TENM2: variants seen among roughly 807,000 people sequenced by gnomAD.
TENM2 encodes teneurin-2.
Under a neutral mutation model 245.2 loss-of-function variants are expected in TENM2, and 52 were observed. The ratio of observed to expected loss-of-function variants is 0.21; its 90% CI spans 0.17 to 0.27. The LOEUF is 0.27. Ranked by LOEUF, TENM2 falls within the 10% of genes least tolerant of loss-of-function variation. TENM2 has a pLI of 1.00. For missense variants in TENM2, 3,046 were observed against 3,666.8 expected (o/e 0.83, Z 4.37); for synonymous variants, 1,363 against 1,438.9 (o/e 0.95, Z 1.19).
chr5:167,603,869 G>A (rs1776830216), intron 2 of TENM2, among the ~76,000 whole-genome samples: 1 of 152,146 alleles, frequency 6.6e-6, no homozygotes, highest in Non-Finnish European at 1.5e-5. Flanking sequence ...GAGTGAAAAT[G>A]AAAAATGTTG....
At chr5:167,759,506 A>C (rs1432529000) in intron 2 of TENM2, among the ~76,000 whole-genome samples, 2 of 152,176 alleles carry the variant, frequency 1.3e-5, no homozygotes, top group Non-Finnish European at 2.9e-5. Flanking sequence ...GGATAAAGTC[A>C]TCAGTTCCCA....
intron 2 of TENM2, among the ~76,000 whole-genome samples, chr5:167,782,218 C>A (rs1174054447): frequency 1.4e-5 from 2 of 140,306 alleles, no homozygotes; most frequent in Non-Finnish European, 3.0e-5. Context: ...GAGGCTGAGG[C>A]AGGAGAATCC....
At chr5:167,066,541 C>T in the TENM2 span, among the ~76,000 whole-genome samples, 1 of 148,884 alleles carries the variant, frequency 6.7e-6, no homozygotes, top group South Asian at 2.2e-4. Flanking sequence ...CTCCCCCCTC[C>T]CCACAACAGT....
intron 3 of TENM2, among the ~76,000 whole-genome samples, chr5:167,937,461 G>C (rs1389784130): frequency 6.6e-6 from 1 of 152,104 alleles, no homozygotes; most frequent in Non-Finnish European, 1.5e-5. Flanking sequence ...TTCCAGACTG[G>C]CTGTCTCATT....
chr5:167,321,807 G>GTTTTTT (rs1756755632), intron 1 of TENM2, among the ~76,000 whole-genome samples: 1 of 19,250 alleles, frequency 5.2e-5, no homozygotes, highest in African/African-American at 1.6e-4. Flanking sequence ...TTTTTGGGGG[G>GTTTTTT]GGGGGCGGGG....
chr5:167,008,375 T>C, the TENM2 span, among the ~76,000 whole-genome samples: 2 of 152,194 alleles, frequency 1.3e-5, no homozygotes, highest in African/African-American at 4.8e-5. Context: ...GGGGCAGCAG[T>C]TCATACTCCT....
At chr5:167,062,743 T>C in the TENM2 span, among the ~76,000 whole-genome samples, 35 of 152,050 alleles carry the variant, frequency 2.3e-4, no homozygotes, top group African/African-American at 8.0e-4. Flanking sequence ...CACATAGCAA[T>C]AAGTGAGATG....
the TENM2 span, among the ~76,000 whole-genome samples, chr5:167,048,285 T>C: frequency 1.3e-5 from 2 of 152,172 alleles, no homozygotes; most frequent in African/African-American, 4.8e-5. Flanking sequence ...TTTATTATTC[T>C]CCGTATGATA....
chr5:168,066,272 T>C lies in TENM2; in HGVS notation c.1515+4007T>C, dbSNP rs186940222. On this transcript the variant is annotated intron_variant, in intron 7 of 28. Coordinates refer to ENST00000518659, the Ensembl canonical transcript of TENM2. ...GAACTCTGCTTGGAAGTCACACATA[T>C]CATTTAAGCACTTCTTATATCAACC... Among the ~76,000 whole-genome samples the C allele has an allele frequency of 6.6e-4, 100 of 152,276 alleles. 1 individual carries two copies. Among genetic ancestry groups the C allele is most frequent in the African/African-American group, 2.3e-3 (95 of 41,566 alleles).
At chr5:167,687,929 C>A (rs1006475020) in intron 2 of TENM2, among the ~76,000 whole-genome samples, 4 of 152,212 alleles carry the variant, frequency 2.6e-5, no homozygotes, top group Admixed American at 1.3e-4. Flanking sequence ...GCTTCCAGGA[C>A]TTTCTCTAGA....
the TENM2 span, among the ~76,000 whole-genome samples, chr5:167,038,777 T>C: frequency 1.1e-4 from 17 of 152,204 alleles, no homozygotes. Flanking sequence ...TTATTAAGAA[T>C]ATAAAGTCAG....
chr5:167,397,068 A>G (rs540769442), intron 2 of TENM2, among the ~76,000 whole-genome samples: 87 of 152,272 alleles, frequency 5.7e-4, no homozygotes, highest in Non-Finnish European at 1.1e-3. Context: ...AAGAGTCAAG[A>G]TGTCCTTGGT....
intron 2 of TENM2, among the ~76,000 whole-genome samples, chr5:167,446,163 A>G (rs567527547): frequency 6.6e-6 from 1 of 152,294 alleles, no homozygotes; most frequent in Non-Finnish European, 1.5e-5. Flanking sequence ...CTGGGATAAA[A>G]TATTTATACA....
chr5:167,359,513 T>G (rs954253328), intron 1 of TENM2, among the ~76,000 whole-genome samples: 14 of 94,726 alleles, frequency 1.5e-4, no homozygotes, highest in Non-Finnish European at 3.8e-4. Flanking sequence ...CTACTTTCTA[T>G]TTTTTTTTTC....
the TENM2 span, among the ~76,000 whole-genome samples, chr5:167,269,529 T>C: frequency 9.5e-6 from 1 of 105,768 alleles, no homozygotes. Flanking sequence ...TAGTAGAAAA[T>C]AGTGACTACA....
intron 2 of TENM2, among the ~76,000 whole-genome samples, chr5:167,736,178 G>A (rs1244923043): frequency 2.0e-5 from 3 of 152,098 alleles, no homozygotes; most frequent in East Asian, 3.9e-4. Flanking sequence ...AGTACAGAGT[G>A]AGGGGTGGGG....
chr5:167,861,818 A>G (rs1482860817), intron 2 of TENM2, among the ~76,000 whole-genome samples: 1 of 152,210 alleles, frequency 6.6e-6, no homozygotes, highest in Non-Finnish European at 1.5e-5. Flanking sequence ...GTCAGAAGCA[A>G]AGCAGGCCTT....
chr5:168,115,939 A>G (rs1447752822), intron 9 of TENM2, among the ~76,000 whole-genome samples: 1 of 152,192 alleles, frequency 6.6e-6, no homozygotes, highest in African/African-American at 2.4e-5. Context: ...ACTATAGATC[A>G]TGTGCACACG....
intron 2 of TENM2, among the ~76,000 whole-genome samples, chr5:167,683,739 G>C (rs1322876131): frequency 1.3e-5 from 2 of 152,302 alleles, no homozygotes; most frequent in African/African-American, 4.8e-5. Context: ...AAAACGAAAT[G>C]TTCCAAAGTG....
Sources: gnomAD v4.1 joint callset for allele counts (sites outside exome capture counted in the v4.1 genomes callset) on GRCh38, gnomAD v4.1.1 for gene constraint, MANE v1.5 for transcripts, NCBI Gene and HGNC (gene_info 2026-07-23, HGNC 2026-07-21) for gene names.